The following CRELD1 variants were observed in gnomAD, a reference collection of about 807,000 sequenced individuals.
CRELD1 encodes CRELD disulfide isomerase 1.
CRELD1 carries 42 observed loss-of-function variants against 58.2 expected under a neutral mutation model. That is an observed-to-expected ratio of 0.72 (90% CI 0.56 to 0.93). The LOEUF (loss-of-function observed/expected upper bound fraction) is 0.93. Among genes scored for constraint, CRELD1 ranks in the 40% least tolerant of loss-of-function variants. CRELD1 has a pLI of 0.00. For synonymous variants in CRELD1, 222 were observed against 202.0 expected (o/e 1.10, Z -0.84); for missense variants, 500 against 540.6 (o/e 0.92, Z 0.74).
rs145254645 is a variant in CRELD1, at chr3:9,944,049, T to C, written c.1049-316T>C. 141 of 815,742 alleles carry C rather than the reference T, an allele frequency of 1.7e-4. 1 individual carries two copies. The highest frequency in any genetic ancestry group is 1.1e-3 in the Middle Eastern group (5 of 4,522). 50.5% of individuals were successfully genotyped at this position (815,742 alleles called of 1,614,324 possible). On this transcript the variant is annotated intron_variant, in intron 10 of 10. Transcript: ENST00000452070. ...CTATATGGCAAGCAAGTCGCAAAGC[T>C]GGGATCCCAATCCAGACAGTCTGAC...
intron 7 of CRELD1, among the ~76,000 whole-genome samples, chr3:9,941,572 T>G (rs983567485): frequency 1.3e-5 from 2 of 151,854 alleles, no homozygotes; most frequent in Non-Finnish European, 2.9e-5. Flanking sequence ...GGGCAGATCA[T>G]GAGATCAGGA....
At position 9,940,892 on chromosome 3, in the gene CRELD1, A is replaced by T. The variant is rs768892690; in HGVS notation, c.503A>T (p.Gln168Leu). The T allele has an allele frequency of 2.5e-6, 4 of 1,613,818 alleles. No individual in the cohort carries two copies. In the Admixed American group the frequency reaches 6.7e-5, roughly 27 times the overall value. ...GAGAGGCCCTGCGGTGGCTACGGGCAGTGTGAAGGAGAAGGGACACGAGGG... is the reference window on the plus strand; with the variant it reads ...GAGAGGCCCTGCGGTGGCTACGGGCTGTGTGAAGGAGAAGGGACACGAGGG... ...GTERPCGGYGQCEGEGTRGGS... is the reference protein window; with the variant it reads ...GTERPCGGYGLCEGEGTRGGS... The change falls in exon 6 of 11, where the codon CAG becomes CTG. Residue 168 changes from glutamine to leucine, a missense_variant. Gln to Leu is a moderately radical substitution (Grantham distance 113, BLOSUM62 -2). Coordinates refer to ENST00000452070, the MANE Select transcript of CRELD1 (RefSeq NM_001077415.3).
At chr3:9,940,705 G>A in intron 5 of CRELD1, 145 bp from the exon 6 acceptor site, 1 of 631,138 alleles carries the variant, frequency 1.6e-6, no homozygotes, top group Admixed American at 2.2e-5. Flanking sequence ...GGGAGGCCAT[G>A]GGGAGAGGGA....
At chr3:9,934,940 G>A (rs765904808) in intron 3 of CRELD1, 23 bp downstream of exon 3, 16 of 1,584,730 alleles carry the variant, frequency 1.0e-5, no homozygotes, top group African/African-American at 1.3e-5. Context: ...TGGGGGAAGG[G>A]GTGTATATTC....
rs3901800 is a variant in CRELD1 at position 9,935,180 on chromosome 3, C to T, written c.257+263C>T. On this transcript the variant is annotated intron_variant, in intron 3 of 10. Coordinates refer to ENST00000452070, the MANE Select transcript of CRELD1 (RefSeq NM_001077415.3). ...CAGTGAAGCACGGTAGACTGCAGGACGGTGGGAGGCAAGGTGTTCAAGGTT... is the reference window on the plus strand; with the variant it reads ...CAGTGAAGCACGGTAGACTGCAGGATGGTGGGAGGCAAGGTGTTCAAGGTT... 0.22 allele frequency: 91,265 copies of T among 421,818 alleles called. 10,580 individuals are homozygous for T. The highest frequency in any genetic ancestry group is 0.36 in the African/African-American group (17,810 of 49,782). The allele number at this position is 421,818 out of a possible 1,614,324, so 26.1% of individuals were successfully genotyped here.
At chr3:9,934,285 T>C (rs2125327897) in intron 1 of CRELD1, 135 bp from the exon 2 acceptor site, 1 of 607,678 alleles carries the variant, frequency 1.6e-6, no homozygotes, top group Non-Finnish European at 3.0e-6. Flanking sequence ...CCACAGCCCC[T>C]GCAATACCCA....
rs1321344637 is a variant in CRELD1, at chr3:9,934,909, C to T, written c.249C>T (p.Tyr83=). ...GGGAGGAAGAGAATTTGTCCAAATA[C>T]AAAGACAGGTAAGGGGCTGCTGGGG... The part of the protein sequence containing the change: ...TAWEEENLSK[Y]KDSETRLVEV... Residue 83 remains tyrosine (Y), a synonymous_variant, in exon 3 of 11, where the codon TAC becomes TAT. Coordinates refer to ENST00000452070, the MANE Select transcript of CRELD1 (RefSeq NM_001077415.3). 1 of 1,610,712 alleles carries T rather than the reference C, an allele frequency of 6.2e-7. No individual in the cohort carries two copies.
rs559491660 is a variant in CRELD1 at position 9,939,536 on chromosome 3, C to T, written c.461-1314C>T. ...GAGATCAAGGAGTGGTGATGACTCT[C>T]AACCAGCATGCTGCCTTCAAGCATC... On this transcript the variant is annotated intron_variant, in intron 5 of 10. Coordinates refer to ENST00000452070, the MANE Select transcript of CRELD1 (RefSeq NM_001077415.3). 2.9e-3 allele frequency among the ~76,000 whole-genome samples: 447 copies of T among 151,688 alleles called. 2 individuals carry two copies. The highest frequency in any genetic ancestry group is 9.8e-3 in the African/African-American group (408 of 41,524).
Position 9,944,558 on chromosome 3 carries a change from G to A in CRELD1, c.1242G>A (p.Glu414=). ...CAGAGCGCAGTGACCGTGTGCTGGA[G>A]GGCTTCATCAAGGGCAGATAATCGC... The part of the protein sequence containing the change: ...WLSERSDRVL[E]GFIKGR The change falls in exon 11 of 11, where the codon GAG becomes GAA. Residue 414 remains glutamate (E), a synonymous_variant. Transcript: ENST00000452070. 1 of 1,608,968 alleles carries A rather than the reference G, an allele frequency of 6.2e-7. No homozygotes were observed. Among genetic ancestry groups the A allele is most frequent in the Non-Finnish European group, 8.5e-7 (1 of 1,179,822 alleles).
In CRELD1 at chr3:9,934,370, C is replaced by T. The variant is rs2085100211; in HGVS notation, c.-19-50C>T. Reference sequence around the variant, plus strand: ...TTAGAACAGACCTTTTTCTTTCTCGCGTGGGGCCTGACTCCTTCAGTGAAG... The same window carrying T: ...TTAGAACAGACCTTTTTCTTTCTCGTGTGGGGCCTGACTCCTTCAGTGAAG... On this transcript the variant is annotated intron_variant, in intron 1 of 10. Coordinates refer to ENST00000452070, the MANE Select transcript of CRELD1 (RefSeq NM_001077415.3). The T allele has an allele frequency of 1.3e-5, 18 of 1,410,274 alleles. No homozygotes were observed. In the Admixed American group the frequency reaches 2.9e-4, roughly 22 times the overall value. 87.4% of individuals were successfully genotyped at this position (1,410,274 alleles called of 1,614,324 possible).
intron 7 of CRELD1, among the ~76,000 whole-genome samples, chr3:9,941,566 A>G (rs1466425136): frequency 2.6e-5 from 4 of 151,950 alleles, no homozygotes; most frequent in African/African-American, 7.3e-5. Flanking sequence ...CAAGGCGGGC[A>G]GATCATGAGA....
intron 5 of CRELD1, among the ~76,000 whole-genome samples, chr3:9,939,748 A>G (rs111343192): frequency 0.052 from 7,687 of 148,678 alleles, 430 homozygotes; most frequent in Admixed American, 0.15. Context: ...ACACAGACAC[A>G]GCAACCATCC....
In CRELD1 at chr3:9,937,644, G is replaced by A. The variant is rs1401697286; in HGVS notation, c.340G>A (p.Glu114Lys). 6.2e-7 allele frequency: 1 copy of A among 1,610,138 alleles called. No individual in the cohort carries two copies. Among genetic ancestry groups the A allele is most frequent in the Admixed American group, 1.7e-5 (1 of 59,390 alleles). Residue 114 changes from glutamate to lysine, a missense_variant, in exon 4 of 11, where the codon GAG becomes AAG. Coordinates refer to ENST00000452070, the MANE Select transcript of CRELD1 (RefSeq NM_001077415.3). ...ECHRLLELSE[E>K]LVESWWFHKQ... ...CCACCGCCTGCTGGAGCTGAGTGAG[G>A]AGCTGGTGGAGAGCTGGTGGTTTCA...
At position 9,942,905 on chromosome 3, in the gene CRELD1, C is replaced by T; in HGVS notation, c.817+9C>T. The T allele has an allele frequency of 1.2e-6, 2 of 1,611,812 alleles. No homozygotes were observed. Among genetic ancestry groups the T allele is most frequent in the Non-Finnish European group, 1.7e-6 (2 of 1,177,866 alleles). On this transcript the variant is annotated intron_variant, in intron 8 of 10. Coordinates refer to ENST00000452070, the MANE Select transcript of CRELD1 (RefSeq NM_001077415.3). ...CTCCTATGAGTGCCGAGGTCAGTGT[C>T]TACTTCTGCAGAGGAGGGGACGTGA...
chr3:9,934,533 C>T lies in CRELD1; in HGVS notation c.95C>T (p.Ser32Phe), dbSNP rs770083161. 1.4e-5 allele frequency: 22 copies of T among 1,613,998 alleles called. No individual in the cohort carries two copies. Among genetic ancestry groups the T allele is most frequent in the Non-Finnish European group, 1.9e-5 (22 of 1,180,012 alleles). Residue 32 changes from serine (S) to phenylalanine (F), a missense_variant, in exon 2 of 11, where the codon TCT becomes TTT. By Grantham distance (155) the Ser-to-Phe change is radical (BLOSUM62 -2). Coordinates refer to ENST00000452070, the MANE Select transcript of CRELD1 (RefSeq NM_001077415.3). ...CCAGGACCTATCTGGCTCCAGCCCT[C>T]TCCACCTCCCCAGTCTTCTCCCCCG... ...NLPGPIWLQP[S>F]PPPQSSPPPQ... is the part of the protein sequence containing the mutation.
intron 1 of CRELD1, 149 bp from the exon 2 acceptor site, chr3:9,934,271 A>C (rs923908260): frequency 2.7e-5 from 17 of 635,304 alleles, no homozygotes; most frequent in Non-Finnish European, 3.1e-5. Flanking sequence ...TTCCCCACCC[A>C]TCCCCACAGC....
rs372016350 is a variant in CRELD1, at chr3:9,934,894, G to T, written c.234G>T (p.Glu78Asp). Residue 78 changes from glutamate to aspartate, a missense_variant, in exon 3 of 11, where the codon GAG becomes GAT. Coordinates refer to ENST00000452070, the MANE Select transcript of CRELD1 (RefSeq NM_001077415.3). ...FGGGNTAWEE[E>D]NLSKYKDSET... The stretch of plus-strand genomic sequence containing the variant: ...GTGGAAACACTGCCTGGGAGGAAGA[G>T]AATTTGTCCAAATACAAAGACAGGT... The T allele has an allele frequency of 1.9e-5, 31 of 1,612,566 alleles. No homozygotes were observed. The highest frequency in any genetic ancestry group is 6.7e-5 in the East Asian group (3 of 44,894).
chr3:9,942,062 G>A (rs1308100071), intron 7 of CRELD1, among the ~76,000 whole-genome samples: 1 of 152,034 alleles, frequency 6.6e-6, no homozygotes, highest in Non-Finnish European at 1.5e-5. Context: ...CTGAGGTCAG[G>A]AGTTCGAGAC....
chr3:9,944,042 G>C (rs372453922), intron 10 of CRELD1: 2 of 825,548 alleles, frequency 2.4e-6, no homozygotes, highest in Admixed American at 1.7e-5. Flanking sequence ...CAAGCAAGTC[G>C]CAAAGCTGGG....
Sources: gnomAD v4.1 joint callset for allele counts (sites outside exome capture counted in the v4.1 genomes callset) on GRCh38, gnomAD v4.1.1 for gene constraint, MANE v1.5 for transcripts, NCBI Gene and HGNC (gene_info 2026-07-23, HGNC 2026-07-21) for gene names.